TRPV5: variants seen among roughly 807,000 people sequenced by gnomAD.
TRPV5 encodes the protein calcium transport protein 2.
A neutral mutation model predicts 74.1 loss-of-function variants in TRPV5; 66 were observed. The observed-to-expected ratio is 0.89, with a 90% CI of 0.73 to 1.09. The LOEUF is 1.09. Ranked by LOEUF, TRPV5 falls within the 50% of genes least tolerant of loss-of-function variation. The pLI is 0.00. For missense variants in TRPV5, 936 were observed against 930.4 expected (o/e 1.01, Z -0.08); for synonymous variants, 399 against 360.7 (o/e 1.11, Z -1.20).
At chr7:142,929,950 C>A in intron 3 of TRPV5, 108 bp downstream of exon 3, 1 of 1,545,212 alleles carries the variant, frequency 6.5e-7, no homozygotes, top group Non-Finnish European at 8.8e-7. Flanking sequence ...ATCCTCCTGA[C>A]CCTCCATCAC....
At chr7:142,928,574 T>C in intron 6 of TRPV5, 117 bp downstream of exon 6, 1 of 1,396,650 alleles carries the variant, frequency 7.2e-7, no homozygotes, top group Non-Finnish European at 9.5e-7. Context: ...CTTTGGGGAG[T>C]TTGGGGAAAA....
intron 13 of TRPV5, among the ~76,000 whole-genome samples, chr7:142,909,858 A>G (rs1472453131): frequency 1.3e-5 from 2 of 152,226 alleles, no homozygotes; most frequent in East Asian, 3.9e-4. Flanking sequence ...CTCATGGAGA[A>G]TGAGTCACTC....
intron 13 of TRPV5, 78 bp from the exon 14 acceptor site, chr7:142,909,674 G>A (rs1317081193): frequency 2.1e-6 from 3 of 1,459,158 alleles, no homozygotes; most frequent in Non-Finnish European, 2.8e-6. Flanking sequence ...CACTGATAAA[G>A]GGAACCAAAG....
Position 142,908,617 on chromosome 7 carries a change from C to T in TRPV5, c.2087G>A (p.Ser696Asn), listed in dbSNP as rs1795650359. The T allele has an allele frequency of 6.2e-7, 1 of 1,614,148 alleles. No homozygotes were observed. The highest frequency in any genetic ancestry group is 8.5e-7 in the Non-Finnish European group (1 of 1,180,056). ...AAGGATCTCCCAGCCTCGGTGACTG[C>T]TGCTCTGGGACGCGGTCCGGGACAG... is the stretch of plus-strand genomic sequence containing the variant. The part of the protein sequence containing the change: ...SSLSRTASQS[S>N]SHRGWEILRQ... Residue 696 changes from serine (S) to asparagine (N), a missense_variant, in exon 15 of 15, where the codon AGC becomes AAC. Transcript: ENST00000265310.
Position 142,929,544 on chromosome 7 carries a change from G to A in TRPV5, c.371C>T (p.Ala124Val). 7 of 1,614,138 alleles carry A rather than the reference G, an allele frequency of 4.3e-6. No homozygotes were observed. Among genetic ancestry groups the A allele is most frequent in the Non-Finnish European group, 5.9e-6 (7 of 1,179,986 alleles). The change falls in exon 4 of 15, where the codon GCT becomes GTT. Residue 124 changes from alanine to valine, a missense_variant. Physicochemically the swap from Ala to Val is moderately conservative, Grantham distance 64. Transcript: ENST00000265310. ...CAGGTTCACATTCTGGTTCACAACA[G>A]CGATGTGCAGTGCAGTCTGACCTGG... ...AFAGQTALHI[A>V]VVNQNVNLVR... is the part of the protein sequence containing the mutation.
intron 1 of TRPV5, among the ~76,000 whole-genome samples, chr7:142,932,948 G>A (rs1314881827): frequency 6.6e-6 from 1 of 152,262 alleles, no homozygotes; most frequent in South Asian, 2.1e-4. Context: ...AATGAATGGC[G>A]TTTCCTTATC....
Position 142,915,508 on chromosome 7 carries a change from C to A in TRPV5, c.1183G>T (p.Gly395Trp), listed in dbSNP as rs1184063055. 1 of 1,614,166 alleles carries A rather than the reference C, an allele frequency of 6.2e-7. No individual in the cohort carries two copies. The highest frequency in any genetic ancestry group is 1.1e-5 in the South Asian group (1 of 91,082). ...TCTAGGAGCAGGATGATCACAGCCC[C>A]AACGATGCTCACCAGCTCCCCCACC... is the stretch of plus-strand genomic sequence containing the variant. ...RLVGELVSIV[G>W]AVIILLLEIP... Residue 395 changes from glycine to tryptophan, a missense_variant, in exon 9 of 15, where the codon GGG becomes TGG. Coordinates refer to ENST00000265310, the MANE Select transcript of TRPV5 (RefSeq NM_019841.7).
Position 142,933,580 on chromosome 7 carries a change from G to C in TRPV5, c.-121C>G. The C allele has an allele frequency of 7.3e-7, 1 of 1,362,092 alleles. No individual in the cohort carries two copies. Among genetic ancestry groups the C allele is most frequent in the Non-Finnish European group, 1.0e-6 (1 of 993,602 alleles). 84.4% of individuals were successfully genotyped at this position (1,362,092 alleles called of 1,614,324 possible). ...GGCTGGGACTCTGAGTTTATCTCCT[G>C]TATGACTTGTGTATGCAGCATGCAG... On this transcript the variant is annotated 5_prime_UTR_variant, in exon 1 of 15. An upstream open reading frame in the 5' UTR gains an earlier in-frame stop. Coordinates refer to ENST00000265310, the MANE Select transcript of TRPV5 (RefSeq NM_019841.7).
chr7:142,925,521 A>G lies in TRPV5; in HGVS notation c.1122+8T>C, dbSNP rs750022599. ...AATTCTCTCTCATCCCCTTCTGAGG[A>G]GAATCACCTGTAGTAGTTTTTGCTG... On this transcript the variant is annotated splice_region_variant and intron_variant, in intron 8 of 14. Coordinates refer to ENST00000265310, the MANE Select transcript of TRPV5 (RefSeq NM_019841.7). 1 of 1,614,000 alleles carries G rather than the reference A, an allele frequency of 6.2e-7. No individual in the cohort carries two copies. Among genetic ancestry groups the G allele is most frequent in the South Asian group, 1.1e-5 (1 of 91,076 alleles).
intron 6 of TRPV5, 137 bp downstream of exon 6, chr7:142,928,554 A>G: frequency 7.8e-7 from 1 of 1,280,024 alleles, no homozygotes; most frequent in Admixed American, 2.9e-5. Flanking sequence ...GAAGCAAGGG[A>G]CCACCATCCC....
Position 142,908,245 on chromosome 7 carries a change from C to G in TRPV5, c.*269G>C. ...TGGTCCTGACATTAATCTAGCATCC[C>G]TGCCTCATGTCTTTAGTTGCCAACC... On this transcript the variant is annotated 3_prime_UTR_variant, in exon 15 of 15. Transcript: ENST00000265310. The G allele has an allele frequency of 3.6e-6, 2 of 551,368 alleles. No individual in the cohort carries two copies. Among genetic ancestry groups the G allele is most frequent in the Non-Finnish European group, 6.5e-6 (2 of 309,542 alleles). The allele number at this position is 551,368 out of a possible 1,614,324, so 34.2% of individuals were successfully genotyped here. A position where few individuals can be genotyped will look rare whatever the true frequency, so the allele number is the denominator to read the frequency against.
intron 8 of TRPV5, among the ~76,000 whole-genome samples, chr7:142,918,841 G>A (rs747728748): frequency 7.9e-5 from 12 of 152,150 alleles, no homozygotes; most frequent in Admixed American, 3.9e-4. Flanking sequence ...CACGATGTAC[G>A]TCATTTTCTT....
chr7:142,926,532 T>A (rs1478643020), intron 7 of TRPV5, among the ~76,000 whole-genome samples: 1 of 152,146 alleles, frequency 6.6e-6, no homozygotes, highest in African/African-American at 2.4e-5. Context: ...CCAGACATGC[T>A]CGGCAGTGTA....
At chr7:142,920,171 TA>T (rs1181353695) in intron 8 of TRPV5, among the ~76,000 whole-genome samples, 40 of 152,246 alleles carry the variant, frequency 2.6e-4, no homozygotes, top group African/African-American at 7.9e-4. Context: ...CGCTGGGCCA[TA>T]AAGAGAGAGA....
rs139060958 is a variant in TRPV5 at position 142,933,541 on chromosome 7, T to C, written c.-82A>G. 2.2e-3 allele frequency: 3,397 copies of C among 1,547,218 alleles called. 75 individuals are homozygous for C. The Admixed American group carries it at 0.041, about 19-fold the overall frequency. ...AGGATGACAGCAACTGAGCAAGAGA[T>C]GGGGTCTATTTGGGGCTGGGACTCT... On this transcript the variant is annotated 5_prime_UTR_variant, in exon 1 of 15. Coordinates refer to ENST00000265310, the MANE Select transcript of TRPV5 (RefSeq NM_019841.7).
At chr7:142,912,370 C>A in intron 13 of TRPV5, 112 bp downstream of exon 13, 1 of 1,412,932 alleles carries the variant, frequency 7.1e-7, no homozygotes, top group Non-Finnish European at 9.6e-7. Flanking sequence ...GAGGTGACAG[C>A]CTCACTGGGT....
chr7:142,929,665 C>T, intron 3 of TRPV5, 100 bp from the exon 4 acceptor site: 2 of 1,528,604 alleles, frequency 1.3e-6, no homozygotes, highest in South Asian at 2.5e-5. Flanking sequence ...CCTGATAGAT[C>T]TTTGCTAGAC....
At position 142,908,425 on chromosome 7, in the gene TRPV5, A is replaced by T; in HGVS notation, c.*89T>A. On this transcript the variant is annotated 3_prime_UTR_variant, in exon 15 of 15. Coordinates refer to ENST00000265310, the MANE Select transcript of TRPV5 (RefSeq NM_019841.7). Reference sequence around the variant, plus strand: ...CCCTCCCATGATTAACAGGCACAGAAGTTAGACACTTGCATAGGCAGAGGT... The same window carrying T: ...CCCTCCCATGATTAACAGGCACAGATGTTAGACACTTGCATAGGCAGAGGT... 3.5e-6 allele frequency: 5 copies of T among 1,424,156 alleles called. No homozygotes were observed. Among genetic ancestry groups the T allele is most frequent in the Non-Finnish European group, 3.9e-6 (4 of 1,028,400 alleles). The allele number at this position is 1,424,156 out of a possible 1,614,324, so 88.2% of individuals were successfully genotyped here.
chr7:142,914,235 C>G (rs990079812), intron 12 of TRPV5, among the ~76,000 whole-genome samples: 1 of 152,202 alleles, frequency 6.6e-6, no homozygotes, highest in Admixed American at 6.5e-5. Context: ...TAGGTTTCCT[C>G]TTCTGAATTG....
Sources: gnomAD v4.1 joint callset for allele counts (sites outside exome capture counted in the v4.1 genomes callset) on GRCh38, gnomAD v4.1.1 for gene constraint, MANE v1.5 for transcripts, NCBI Gene and HGNC (gene_info 2026-07-23, HGNC 2026-07-21) for gene names.